Variants in ANKRD26 observed in about 807,000 individuals in gnomAD.
The protein encoded by ANKRD26 is ankyrin repeat domain-containing protein 26.
ANKRD26 carries 141 observed loss-of-function variants against 208.7 expected under a neutral mutation model. That is an observed-to-expected ratio of 0.68 (90% CI 0.59 to 0.78). The LOEUF (loss-of-function observed/expected upper bound fraction) is 0.78, where lower values mean the gene tolerates loss of function less well. Among genes scored for constraint, ANKRD26 ranks in the 30% least tolerant of loss-of-function variants. The probability of loss-of-function intolerance (pLI) is 0.00; values close to 1 mark genes in which losing one functional copy is unlikely to be tolerated. For missense variants in ANKRD26, 1,889 were observed against 1,938.7 expected, an observed-to-expected ratio of 0.97 and a Z score of 0.48; for synonymous variants, 636 against 660.4, an observed-to-expected ratio of 0.96 and a Z score of 0.57.
chr10:27,068,301 G>A (rs892835625), intron 9 of ANKRD26, among the ~76,000 whole-genome samples: 6 of 152,144 alleles, frequency 3.9e-5, no homozygotes, highest in Non-Finnish European at 7.4e-5. Flanking sequence ...CACCTCCTAC[G>A]GCCTTGTGAA....
chr10:27,083,985 CG>C (rs1211167107), intron 5 of ANKRD26, among the ~76,000 whole-genome samples: 2 of 152,062 alleles, frequency 1.3e-5, no homozygotes, highest in African/African-American at 4.8e-5. Context: ...GAGGCTGAGG[CG>C]GGCAGAACAT....
downstream of ANKRD26, among the ~76,000 whole-genome samples, chr10:26,999,894 A>C (rs1004836529): frequency 1.3e-5 from 2 of 152,064 alleles, no homozygotes; most frequent in Admixed American, 1.3e-4. Flanking sequence ...ATGATCACAC[A>C]AATTATACAA....
chr10:27,073,516 G>A (rs2055579655), intron 9 of ANKRD26, among the ~76,000 whole-genome samples: 1 of 152,192 alleles, frequency 6.6e-6, no homozygotes, highest in African/African-American at 2.4e-5. Context: ...CTGGGAGGCA[G>A]ACTGCTTTCC....
At position 27,037,974 on chromosome 10, in the gene ANKRD26, TTTC is replaced by T. The variant is rs2054098327; in HGVS notation, c.2453_2455del (p.Arg818del). On this transcript the variant is annotated inframe_deletion, in exon 22 of 34. Coordinates refer to ENST00000376087, the MANE Select transcript of ANKRD26 (RefSeq NM_014915.3). Reference sequence around the variant, plus strand: ...AACTTCTTTCCTATATTGCTCTTCTTTTCTTCTTAACTGTTCCCTAATTTTTTC... The same window carrying T: ...AACTTCTTTCCTATATTGCTCTTCTTTTCTTAACTGTTCCCTAATTTTTTC... 1 of 1,613,276 alleles carries T rather than the reference TTTC, an allele frequency of 6.2e-7. No individual in the cohort carries two copies. Among genetic ancestry groups the T allele is most frequent in the Non-Finnish European group, 8.5e-7 (1 of 1,179,720 alleles).
chr10:27,040,014 GT>G lies in ANKRD26; in HGVS notation c.2325del (p.Gln776SerfsTer2). 2 of 1,613,716 alleles carry G rather than the reference GT, an allele frequency of 1.2e-6. No homozygotes were observed. Among genetic ancestry groups the G allele is most frequent in the Non-Finnish European group, 1.7e-6 (2 of 1,179,886 alleles). On this transcript the variant is annotated frameshift_variant, in exon 21 of 34. Transcript: ENST00000376087. LOFTEE classifies it high-confidence loss of function. ...CATTCAACTTTTTGATGCTCTAACT[GT>G]GATTTTATTTCTTTTGTTTCAGATA... Reference protein sequence around the residue: ...RELSETKEIKSQLEHQKVEWE... With the variant: ...RELSETKEIKXQLEHQKVEWE...
chr10:27,029,131 T>TA (rs1424292893), intron 26 of ANKRD26, among the ~76,000 whole-genome samples, 155 bp downstream of exon 26: 1 of 152,170 alleles, frequency 6.6e-6, no homozygotes, highest in Non-Finnish European at 1.5e-5. Flanking sequence ...TAGGATAATA[T>TA]AAAAAAATCC....
the ANKRD26 span, among the ~76,000 whole-genome samples, chr10:26,960,869 G>A: frequency 1.2e-3 from 182 of 152,276 alleles, 3 homozygotes; most frequent in South Asian, 6.0e-3. Flanking sequence ...GAACAACAGT[G>A]GGGGGTAGCC....
intron 32 of ANKRD26, 119 bp downstream of exon 32, chr10:27,012,763 G>T: frequency 2.1e-6 from 2 of 941,488 alleles, no homozygotes; most frequent in Non-Finnish European, 3.3e-6. Flanking sequence ...AGTGAGCCAA[G>T]ATGGCACCAC....
chr10:27,022,514 A>C (rs1012480319), intron 29 of ANKRD26, 44 bp downstream of exon 29: 5 of 1,424,388 alleles, frequency 3.5e-6, no homozygotes, highest in Non-Finnish European at 4.9e-6. Context: ...TATATTTCCC[A>C]AAATTAAGTG....
chr10:27,068,138 T>C (rs2055334182), intron 9 of ANKRD26, among the ~76,000 whole-genome samples: 1 of 152,294 alleles, frequency 6.6e-6, no homozygotes, highest in East Asian at 1.9e-4. Flanking sequence ...CCAAATCTCA[T>C]CTTGAATTGT....
chr10:27,051,063 T>C (rs1767590319), intron 16 of ANKRD26: 2 of 1,242,024 alleles, frequency 1.6e-6, no homozygotes, highest in African/African-American at 3.1e-5. Context: ...CTCTACCTCT[T>C]TTTGAAGTTG....
chr10:27,072,226 C>T (rs1483264100), intron 9 of ANKRD26, among the ~76,000 whole-genome samples: 1 of 152,244 alleles, frequency 6.6e-6, no homozygotes, highest in African/African-American at 2.4e-5. Flanking sequence ...TGGAATCCAG[C>T]TTGCTGCTGC....
chr10:27,028,999 G>A (rs1197180490), intron 26 of ANKRD26, 54 bp from the exon 27 acceptor site: 1 of 1,411,384 alleles, frequency 7.1e-7, no homozygotes, highest in East Asian at 2.5e-5. Flanking sequence ...TTAAAATACT[G>A]TGTAATTTCT....
chr10:27,097,010 C>T (rs1423213434), intron 1 of ANKRD26, among the ~76,000 whole-genome samples: 1 of 150,718 alleles, frequency 6.6e-6, no homozygotes, highest in African/African-American at 2.4e-5. Flanking sequence ...GGTAGAACCC[C>T]ATCTATACTA....
intron 10 of ANKRD26, 103 bp from the exon 11 acceptor site, chr10:27,066,651 T>C: frequency 5.6e-6 from 4 of 718,068 alleles, no homozygotes; most frequent in Non-Finnish European, 8.6e-6. Flanking sequence ...TTCATGAATA[T>C]TTCAATAAAA....
intron 6 of ANKRD26, among the ~76,000 whole-genome samples, chr10:27,082,076 G>GAAAAAAA (rs1564424246): frequency 1.0e-4 from 4 of 38,414 alleles, no homozygotes; most frequent in Admixed American, 2.6e-4. Context: ...AAAAAAAAAG[G>GAAAAAAA]GAGAGAGAGA....
intron 4 of ANKRD26, 42 bp from the exon 5 acceptor site, chr10:27,086,651 AC>A: frequency 6.4e-7 from 1 of 1,567,180 alleles, no homozygotes; most frequent in Middle Eastern, 2.0e-4. Flanking sequence ...TAATACTGAT[AC>A]AAAAAATATT....
At chr10:27,057,851 C>T (rs935047466) in intron 15 of ANKRD26, among the ~76,000 whole-genome samples, 3 of 151,670 alleles carry the variant, frequency 2.0e-5, no homozygotes, top group Non-Finnish European at 4.4e-5. Flanking sequence ...GCAGGAGAAT[C>T]GCTTGAACCT....
chr10:27,077,291 G>A, intron 9 of ANKRD26, 47 bp downstream of exon 9: 1 of 1,452,014 alleles, frequency 6.9e-7, no homozygotes, highest in East Asian at 2.3e-5. Context: ...AGGATTGTTG[G>A]GGCAGGGGAA....
Sources: gnomAD v4.1 joint callset for allele counts (sites outside exome capture counted in the v4.1 genomes callset) on GRCh38, gnomAD v4.1.1 for gene constraint, MANE v1.5 for transcripts, NCBI Gene and HGNC (gene_info 2026-07-23, HGNC 2026-07-21) for gene names.